NAV3: variants seen among roughly 807,000 people sequenced by gnomAD.
NAV3 encodes the protein neuron navigator 3, also known as pore membrane and/or filament interacting like protein 1.
In NAV3, 87 loss-of-function variants were observed where a neutral mutation model predicts 244.7. The ratio of observed to expected loss-of-function variants is 0.36; its 90% CI spans 0.30 to 0.42. The LOEUF (loss-of-function observed/expected upper bound fraction) is 0.42. NAV3 is among the 20% of genes least tolerant of loss of function. NAV3 has a pLI of 1.00. For missense variants in NAV3, 2,663 were observed against 2,893.3 expected (o/e 0.92, Z 1.83); for synonymous variants, 1,126 against 1,042.2 (o/e 1.08, Z -1.55).
At chr12:78,140,439 A>G (rs1283346247) in intron 20 of NAV3, 105 bp downstream of exon 20, 1 of 1,046,576 alleles carries the variant, frequency 9.6e-7, no homozygotes, top group East Asian at 2.4e-5. Context: ...TGACTTGCAC[A>G]GGAGTTGTGT....
chr12:77,649,437 C>G (rs573781688), intron 2 of NAV3, among the ~76,000 whole-genome samples: 1 of 152,158 alleles, frequency 6.6e-6, no homozygotes, highest in South Asian at 2.1e-4. Flanking sequence ...TATTTCAAGT[C>G]TTAATTTATC....
intron 2 of NAV3, among the ~76,000 whole-genome samples, chr12:77,754,774 C>T (rs1366002828): frequency 6.6e-6 from 1 of 152,164 alleles, no homozygotes; most frequent in African/African-American, 2.4e-5. Context: ...GCCTGGATGT[C>T]TTACAAGACC....
chr12:77,986,575 A>T (rs1232456833), intron 5 of NAV3, among the ~76,000 whole-genome samples: 1 of 152,066 alleles, frequency 6.6e-6, no homozygotes, highest in African/African-American at 2.4e-5. Flanking sequence ...CTGTATGTGT[A>T]TTATGTTGAA....
rs1874237623 is a variant in NAV3, at chr12:78,006,456, TG to T, written c.920del (p.Gly307ValfsTer31). 1 of 1,613,986 alleles carries T rather than the reference TG, an allele frequency of 6.2e-7. No homozygotes were observed. The highest frequency in any genetic ancestry group is 8.5e-7 in the Non-Finnish European group (1 of 1,180,006). On this transcript the variant is annotated frameshift_variant, in exon 8 of 40. Coordinates refer to ENST00000397909, the MANE Select transcript of NAV3 (RefSeq NM_001024383.2). LOFTEE classifies it high-confidence loss of function. Reference sequence around the variant, plus strand: ...GACCTCAATCGTCTTCAGGTGTAAATGGTAACGTGCAGCCTCCCAGTACTGC... The same window carrying T: ...GACCTCAATCGTCTTCAGGTGTAAATGTAACGTGCAGCCTCCCAGTACTGC... ...KGPQSSSGVN[G>X]NVQPPSTAGQ...
At chr12:77,818,294 A>G (rs1872596713) in intron 2 of NAV3, among the ~76,000 whole-genome samples, 1 of 152,144 alleles carries the variant, frequency 6.6e-6, no homozygotes, top group South Asian at 2.1e-4. Context: ...ATTATTATAG[A>G]AAGAGTTTGC....
At chr12:78,110,973 A>G (rs1955064132) in intron 12 of NAV3, among the ~76,000 whole-genome samples, 1 of 152,054 alleles carries the variant, frequency 6.6e-6, no homozygotes, top group Non-Finnish European at 1.5e-5. Flanking sequence ...TAACTTGATT[A>G]CATGAAGGTG....
At chr12:77,726,856 GA>G (rs1424775048) in intron 2 of NAV3, among the ~76,000 whole-genome samples, 1 of 151,926 alleles carries the variant, frequency 6.6e-6, no homozygotes, top group Non-Finnish European at 1.5e-5. Flanking sequence ...TTGGTGATAA[GA>G]AAAATGGCTT....
intron 23 of NAV3, among the ~76,000 whole-genome samples, chr12:78,167,192 A>G (rs530805790): frequency 6.6e-6 from 1 of 151,834 alleles, no homozygotes; most frequent in Non-Finnish European, 1.5e-5. Context: ...AGACTGAGTC[A>G]TTATGATGAA....
In NAV3 at chr12:78,128,875, T is replaced by G. The variant is rs565336470; in HGVS notation, c.4441+9T>G. 5.0e-6 allele frequency: 8 copies of G among 1,611,658 alleles called. No homozygotes were observed. The South Asian group carries it at 8.8e-5, about 18-fold the overall frequency. On this transcript the variant is annotated intron_variant, in intron 18 of 39. Transcript: ENST00000397909. The stretch of plus-strand genomic sequence containing the variant: ...CCACTTTTCTAACTTGGGTAAAATA[T>G]TCTAAAATATTGATTTTGTTTTGTT...
intron 2 of NAV3, among the ~76,000 whole-genome samples, chr12:77,622,895 A>G (rs1871443786): frequency 6.6e-6 from 1 of 152,206 alleles, no homozygotes; most frequent in Admixed American, 6.5e-5. Context: ...AGAGGTACCA[A>G]TTCTGTTGTC....
chr12:77,720,280 T>C (rs937230143), intron 2 of NAV3, among the ~76,000 whole-genome samples: 4 of 152,142 alleles, frequency 2.6e-5, no homozygotes, highest in African/African-American at 9.7e-5. Context: ...TCTACACATT[T>C]GAAAAAACAG....
chr12:77,767,134 T>C (rs1014576648), intron 2 of NAV3, among the ~76,000 whole-genome samples: 1 of 152,136 alleles, frequency 6.6e-6, no homozygotes, highest in Admixed American at 6.5e-5. Flanking sequence ...CCAAACCTTG[T>C]CTACTTGTAT....
intron 5 of NAV3, among the ~76,000 whole-genome samples, chr12:77,985,617 A>G (rs1423942416): frequency 6.6e-6 from 1 of 151,378 alleles, no homozygotes; most frequent in Admixed American, 6.6e-5. Flanking sequence ...TTTTCTTTTC[A>G]TACACTACAC....
At chr12:78,020,681 CT>C (rs1165713261) in intron 8 of NAV3, among the ~76,000 whole-genome samples, 6 of 152,044 alleles carry the variant, frequency 3.9e-5, no homozygotes, top group African/African-American at 9.7e-5. Flanking sequence ...TCAATGATTA[CT>C]TTTTTTCTCT....
intron 2 of NAV3, among the ~76,000 whole-genome samples, chr12:77,812,689 A>G (rs1269899729): frequency 6.6e-6 from 1 of 152,038 alleles, no homozygotes; most frequent in Non-Finnish European, 1.5e-5. Flanking sequence ...TGGCCTCCCA[A>G]AGTGCTAGGA....
chr12:78,013,860 T>C (rs1210603713), intron 8 of NAV3, among the ~76,000 whole-genome samples: 1 of 152,048 alleles, frequency 6.6e-6, no homozygotes, highest in African/African-American at 2.4e-5. Flanking sequence ...GAGAACCACA[T>C]AGTTTTTTCA....
intron 5 of NAV3, among the ~76,000 whole-genome samples, chr12:77,979,707 AAAAAG>A (rs1869192574): frequency 7.7e-6 from 1 of 130,152 alleles, no homozygotes; most frequent in African/African-American, 3.2e-5. Context: ...ACGAAAAAAA[AAAAAG>A]AAAAAAAAAA....
intron 12 of NAV3, among the ~76,000 whole-genome samples, chr12:78,111,908 G>T (rs1280473239): frequency 6.6e-6 from 1 of 152,118 alleles, no homozygotes; most frequent in East Asian, 1.9e-4. Context: ...ACAAATATAA[G>T]AAAGATATAG....
At chr12:78,128,648 C>A (rs574903306) in intron 17 of NAV3, 58 bp from the exon 18 acceptor site, 1 of 1,530,582 alleles carries the variant, frequency 6.5e-7, no homozygotes, top group Non-Finnish European at 8.8e-7. Flanking sequence ...TTTTCCTGTC[C>A]TGGCATTGCC....
Sources: gnomAD v4.1 joint callset for allele counts (sites outside exome capture counted in the v4.1 genomes callset) on GRCh38, gnomAD v4.1.1 for gene constraint, MANE v1.5 for transcripts, NCBI Gene and HGNC (gene_info 2026-07-23, HGNC 2026-07-21) for gene names.